CEP295: variants seen among roughly 807,000 people sequenced by gnomAD.
The protein encoded by CEP295 is centrosomal protein of 295 kDa.
A neutral mutation model predicts 291.6 loss-of-function variants in CEP295; 190 were observed. The observed-to-expected ratio is 0.65, with a 90% CI of 0.58 to 0.73. CEP295 has a LOEUF of 0.73. Among genes scored for constraint, CEP295 ranks in the 30% least tolerant of loss-of-function variants. CEP295 has a pLI of 0.00. For synonymous variants in CEP295, 993 were observed against 1,038.8 expected, an observed-to-expected ratio of 0.96 and a Z score of 0.85; for missense variants, 2,863 against 2,949.4, an observed-to-expected ratio of 0.97 and a Z score of 0.68.
intron 17 of CEP295, among the ~76,000 whole-genome samples, chr11:93,705,334 A>G (rs1168737414): frequency 1.3e-5 from 2 of 152,218 alleles, no homozygotes; most frequent in African/African-American, 4.8e-5. Flanking sequence ...ATTTGTGGTT[A>G]TTAAAACTGA....
intron 18 of CEP295, among the ~76,000 whole-genome samples, chr11:93,710,741 C>G (rs1350656119): frequency 6.6e-6 from 1 of 152,096 alleles, no homozygotes. Flanking sequence ...CGATAGTGTC[C>G]TGAGCTTTTC....
At chr11:93,693,357 G>A (rs1462824035) in intron 12 of CEP295, among the ~76,000 whole-genome samples, 4 of 151,978 alleles carry the variant, frequency 2.6e-5, no homozygotes, top group South Asian at 2.1e-4. Context: ...AACTTACCTC[G>A]AAGGAGGCTA....
Position 93,702,580 on chromosome 11 carries a change from A to G in CEP295, c.5395A>G (p.Arg1799Gly). The G allele has an allele frequency of 1.3e-6, 2 of 1,551,302 alleles. No individual in the cohort carries two copies. Among genetic ancestry groups the G allele is most frequent in the Non-Finnish European group, 1.7e-6 (2 of 1,146,832 alleles). ...TCAAGAAAATATTAGGCATGCAGAT[A>G]GGAACAACTCTGATGATAATCATTT... is the stretch of plus-strand genomic sequence containing the variant. Reference protein sequence around the residue: ...NDQENIRHADRNNSDDNHLAS... With the variant: ...NDQENIRHADGNNSDDNHLAS... Residue 1799 changes from arginine to glycine, a missense_variant, in exon 16 of 30, where the codon AGG becomes GGG. Around this residue, in one of 3 missense-constraint regions of CEP295, gnomAD observed 2,295 missense variants for 2,335.7 expected, o/e 0.98. Coordinates refer to ENST00000325212, the MANE Select transcript of CEP295 (RefSeq NM_033395.2).
chr11:93,704,399 G>A (rs1362767886), intron 17 of CEP295, among the ~76,000 whole-genome samples: 3 of 152,166 alleles, frequency 2.0e-5, no homozygotes, highest in African/African-American at 4.8e-5. Context: ...GCTGAGATGG[G>A]AGGATCGAGA....
rs1416810157 is a variant in CEP295 at position 93,697,864 on chromosome 11, A to G, written c.2952A>G (p.Arg984=). The change falls in exon 15 of 30, where the codon AGA becomes AGG. Residue 984 remains arginine (R), a synonymous_variant. Transcript: ENST00000325212. Reference sequence around the variant, plus strand: ...TACATAAACAGAGTGAATTGGATAGAAGAGTATGTTCCGAACAGGCTGAGC... The same window carrying G: ...TACATAAACAGAGTGAATTGGATAGGAGAGTATGTTCCGAACAGGCTGAGC... ...LYVHKQSELD[R]RVCSEQAEPS... 1.3e-6 allele frequency: 2 copies of G among 1,551,714 alleles called. No homozygotes were observed. Among genetic ancestry groups the G allele is most frequent in the Admixed American group, 2.0e-5 (1 of 51,002 alleles).
At chr11:93,713,354 CTCCCTTGATTA>C (rs1953037549) in intron 18 of CEP295, among the ~76,000 whole-genome samples, 1 of 152,166 alleles carries the variant, frequency 6.6e-6, no homozygotes, top group Non-Finnish European at 1.5e-5. Flanking sequence ...AATTGAAGAA[CTCCCTTGATTA>C]TCCCTTGTAG....
chr11:93,670,559 C>T (rs1428495135), intron 5 of CEP295, among the ~76,000 whole-genome samples: 3 of 152,062 alleles, frequency 2.0e-5, no homozygotes, highest in African/African-American at 7.2e-5. Flanking sequence ...GTTGTACATA[C>T]AAGTATATTC....
intron 19 of CEP295, chr11:93,721,679 TG>T: frequency 2.7e-6 from 2 of 734,622 alleles, no homozygotes; most frequent in South Asian, 2.7e-5. Flanking sequence ...TGTGTGTGTG[TG>T]TGTGTGTGTG....
chr11:93,713,902 G>A (rs533863806), intron 18 of CEP295, among the ~76,000 whole-genome samples: 64 of 152,058 alleles, frequency 4.2e-4, no homozygotes, highest in Middle Eastern at 6.8e-3. Flanking sequence ...CTGTCTTCAG[G>A]TTCACTAATT....
intron 9 of CEP295, 120 bp from the exon 10 acceptor site, chr11:93,687,524 A>G: frequency 1.7e-6 from 1 of 591,192 alleles, no homozygotes; most frequent in Non-Finnish European, 3.0e-6. Context: ...CGTAAATATG[A>G]GGAAAATAAA....
chr11:93,695,290 A>G (rs537906478), intron 12 of CEP295, among the ~76,000 whole-genome samples: 36 of 152,174 alleles, frequency 2.4e-4, no homozygotes, highest in African/African-American at 7.2e-4. Context: ...TTTTACTTCT[A>G]TCCCTTTTTC....
intron 12 of CEP295, 95 bp downstream of exon 12, chr11:93,692,125 A>G (rs1424486992): frequency 1.5e-6 from 1 of 666,780 alleles, no homozygotes; most frequent in Admixed American, 3.0e-5. Context: ...ATGTCTGGCT[A>G]ATTTTGATAT....
In CEP295 at chr11:93,723,032, AATTTTCAGAGTC is replaced by A; in HGVS notation, c.5950_5961del (p.Ser1984_Glu1987del). The A allele has an allele frequency of 1.2e-5, 18 of 1,547,922 alleles. No homozygotes were observed. Among genetic ancestry groups the A allele is most frequent in the South Asian group, 3.6e-5 (3 of 83,582 alleles). On this transcript the variant is annotated splice_acceptor_variant and splice_polypyrimidine_tract_variant and coding_sequence_variant and intron_variant, in exon 21 of 30. Transcript: ENST00000325212. LOFTEE classifies it high-confidence loss of function. ...CTATTTACATATTTTCATTAAACTC[AATTTTCAGAGTC>A]ATTTTCAGAGCACATGGATGATAGC...
intron 14 of CEP295, 42 bp downstream of exon 14, chr11:93,696,459 A>T: frequency 7.8e-6 from 10 of 1,276,380 alleles, no homozygotes; most frequent in Non-Finnish European, 9.9e-6. Context: ...GTATGTGGCT[A>T]CATTTTTAGG....
At chr11:93,695,864 A>T (rs1951820910) in intron 13 of CEP295, among the ~76,000 whole-genome samples, 1 of 152,110 alleles carries the variant, frequency 6.6e-6, no homozygotes, top group East Asian at 1.9e-4. Context: ...TACAAAAATT[A>T]GCTGGGCATG....
intron 18 of CEP295, among the ~76,000 whole-genome samples, chr11:93,715,818 C>T (rs558160316): frequency 6.6e-6 from 1 of 152,126 alleles, no homozygotes; most frequent in Admixed American, 6.5e-5. Context: ...ATAAGTCCTC[C>T]CAGTGCCTTA....
chr11:93,694,748 TTAGAA>T (rs1951766646), intron 12 of CEP295, among the ~76,000 whole-genome samples: 1 of 152,234 alleles, frequency 6.6e-6, no homozygotes, highest in South Asian at 2.1e-4. Flanking sequence ...ATCACACTAC[TTAGAA>T]TAGTGCATAA....
At position 93,698,856 on chromosome 11, in the gene CEP295, T is replaced by G. The variant is rs758651583; in HGVS notation, c.3944T>G (p.Leu1315Arg). ...GAGTCTGGCACAATCCTGGAACCTC[T>G]TTTTACAGAGAGTGAAAGTAAAATT... ...SAESGTILEPLFTESESKIFS... is the reference protein window; with the variant it reads ...SAESGTILEPRFTESESKIFS... The change falls in exon 15 of 30, where the codon CTT (leucine) becomes CGT (arginine). Residue 1315 changes from leucine (L) to arginine (R), a missense_variant. Physicochemically the swap from Leu to Arg is moderately radical, Grantham distance 102 (BLOSUM62 -2). Transcript: ENST00000325212. 5.5e-5 allele frequency: 85 copies of G among 1,551,638 alleles called. No homozygotes were observed. Among genetic ancestry groups the G allele is most frequent in the Non-Finnish European group, 7.2e-5 (83 of 1,146,996 alleles).
chr11:93,674,536 A>G (rs931591107), intron 5 of CEP295, among the ~76,000 whole-genome samples: 1 of 152,176 alleles, frequency 6.6e-6, no homozygotes, highest in Non-Finnish European at 1.5e-5. Flanking sequence ...GGCCTTGTCA[A>G]CAGGCCTTAA....
Sources: allele counts gnomAD v4.1 joint callset (sites outside exome capture counted in the v4.1 genomes callset), GRCh38; gene constraint gnomAD v4.1.1; regional missense constraint gnomAD v4.1.1; transcripts MANE v1.5; gene names NCBI Gene and HGNC (gene_info 2026-07-23, HGNC 2026-07-21).